Variants in SLC4A10 observed in about 807,000 individuals in gnomAD.
SLC4A10 encodes the protein sodium-driven chloride bicarbonate exchanger.
SLC4A10 carries 42 observed loss-of-function variants against 137.7 expected under a neutral mutation model. That is an observed-to-expected ratio of 0.30 (90% confidence interval 0.24 to 0.39). SLC4A10 has a LOEUF of 0.39. Among genes scored for constraint, SLC4A10 ranks in the 10% least tolerant of loss-of-function variants. The pLI, the probability that SLC4A10 is intolerant of heterozygous loss-of-function variation, is 1.00. For missense variants in SLC4A10, 925 were observed against 1,355.0 expected, an observed-to-expected ratio of 0.68 and a Z score of 4.98; for synonymous variants, 474 against 464.1, an observed-to-expected ratio of 1.02 and a Z score of -0.27.
chr2:161,933,191 CTTTCTTTCTT>C (rs946426132), intron 15 of SLC4A10, among the ~76,000 whole-genome samples: 1 of 48,130 alleles, frequency 2.1e-5, no homozygotes, highest in African/African-American at 7.8e-5. Flanking sequence ...TCTTTTCTTT[CTTTCTTTCTT>C]TCTTTCTTTC....
At chr2:161,965,519 TG>T (rs891584520) in intron 23 of SLC4A10, among the ~76,000 whole-genome samples, 10 of 152,314 alleles carry the variant, frequency 6.6e-5, no homozygotes, top group South Asian at 4.1e-4. Flanking sequence ...ATGCAGTGAT[TG>T]TTTTTTTGTT....
intron 13 of SLC4A10, among the ~76,000 whole-genome samples, chr2:161,904,537 T>C (rs1397440924): frequency 6.6e-6 from 1 of 152,206 alleles, no homozygotes; most frequent in African/African-American, 2.4e-5. Flanking sequence ...AAACCTTTTG[T>C]AAGGCAACAG....
intron 2 of SLC4A10, among the ~76,000 whole-genome samples, chr2:161,794,038 G>C (rs1314206100): frequency 6.6e-6 from 1 of 152,026 alleles, no homozygotes; most frequent in Non-Finnish European, 1.5e-5. Flanking sequence ...TGAAAACAAA[G>C]GTCATGTTTA....
chr2:161,689,355 C>A (rs2041756977), intron 1 of SLC4A10, among the ~76,000 whole-genome samples: 1 of 152,072 alleles, frequency 6.6e-6, no homozygotes, highest in Admixed American at 6.6e-5. Context: ...TATGGGTGTA[C>A]CATTTTTTAT....
At chr2:161,874,056 C>G (rs547237010) in intron 8 of SLC4A10, 51 bp downstream of exon 8, 24 of 1,496,302 alleles carry the variant, frequency 1.6e-5, no homozygotes, top group Admixed American at 5.8e-5. Context: ...GCTCATTTCA[C>G]TGTATGGAGG....
intron 2 of SLC4A10, among the ~76,000 whole-genome samples, chr2:161,788,435 A>G (rs1169763357): frequency 3.3e-5 from 5 of 152,010 alleles, no homozygotes; most frequent in Non-Finnish European, 7.4e-5. Flanking sequence ...ATGATGAAGG[A>G]AGACAACTGT....
chr2:161,726,474 A>G (rs1199460866), intron 1 of SLC4A10, among the ~76,000 whole-genome samples: 7 of 152,200 alleles, frequency 4.6e-5, no homozygotes, highest in Non-Finnish European at 8.8e-5. Flanking sequence ...AATTGACGAA[A>G]TTTTGTAAGC....
chr2:161,824,942 T>G (rs2057915650), intron 3 of SLC4A10, among the ~76,000 whole-genome samples: 1 of 152,156 alleles, frequency 6.6e-6, no homozygotes, highest in South Asian at 2.1e-4. Flanking sequence ...CTCCTCTTCC[T>G]CCTCCTCAGC....
chr2:161,825,949 T>C (rs140383319), intron 3 of SLC4A10, among the ~76,000 whole-genome samples: 1 of 152,212 alleles, frequency 6.6e-6, no homozygotes, highest in Non-Finnish European at 1.5e-5. Context: ...TAATCTTATA[T>C]CCCATGTGGA....
intron 15 of SLC4A10, among the ~76,000 whole-genome samples, chr2:161,913,003 T>A (rs1017228721): frequency 6.6e-6 from 1 of 152,106 alleles, no homozygotes; most frequent in Admixed American, 6.6e-5. Context: ...CTTGAGTAAA[T>A]CTTTCATGCA....
intron 15 of SLC4A10, among the ~76,000 whole-genome samples, chr2:161,917,284 G>C (rs1687285379): frequency 6.6e-6 from 1 of 152,120 alleles, no homozygotes; most frequent in Admixed American, 6.5e-5. Flanking sequence ...GGACATCTGG[G>C]TTACTTCTGG....
chr2:161,662,463 C>T (rs1367898337), intron 1 of SLC4A10, among the ~76,000 whole-genome samples: 2 of 151,990 alleles, frequency 1.3e-5, no homozygotes, highest in African/African-American at 4.8e-5. Context: ...AAATAGGTAG[C>T]CTGTATTACA....
chr2:161,744,084 T>A (rs1165312429), intron 1 of SLC4A10, among the ~76,000 whole-genome samples: 1 of 152,130 alleles, frequency 6.6e-6, no homozygotes, highest in South Asian at 2.1e-4. Context: ...AGAAGGATAA[T>A]TCTATTTATT....
intron 1 of SLC4A10, among the ~76,000 whole-genome samples, chr2:161,692,042 G>C (rs2042054178): frequency 1.3e-5 from 2 of 152,034 alleles, no homozygotes; most frequent in South Asian, 4.1e-4. Flanking sequence ...GATTAGTCAT[G>C]TAGTTTGAGA....
chr2:161,969,247 A>G (rs1047721850), intron 23 of SLC4A10, among the ~76,000 whole-genome samples: 2 of 152,224 alleles, frequency 1.3e-5, no homozygotes, highest in African/African-American at 4.8e-5. Context: ...TTAAAATTCA[A>G]TAATGAGTTA....
intron 3 of SLC4A10, among the ~76,000 whole-genome samples, chr2:161,817,190 T>C (rs2057163966): frequency 6.6e-6 from 1 of 152,240 alleles, no homozygotes; most frequent in African/African-American, 2.4e-5. Context: ...TATGAGATGG[T>C]ATCTCATTGT....
At chr2:161,896,610 C>T (rs1035773380) in intron 11 of SLC4A10, among the ~76,000 whole-genome samples, 3 of 152,122 alleles carry the variant, frequency 2.0e-5, no homozygotes, top group Non-Finnish European at 4.4e-5. Context: ...AGGAGAACTA[C>T]AAACCACTGC....
intron 15 of SLC4A10, among the ~76,000 whole-genome samples, chr2:161,929,441 C>G (rs1448176251): frequency 6.6e-6 from 1 of 152,226 alleles, no homozygotes; most frequent in Non-Finnish European, 1.5e-5. Context: ...TCTCTGCTAA[C>G]AGCTTAAACA....
intron 1 of SLC4A10, among the ~76,000 whole-genome samples, chr2:161,722,783 C>T (rs1202314319): frequency 1.3e-5 from 2 of 152,190 alleles, no homozygotes; most frequent in Non-Finnish European, 2.9e-5. Flanking sequence ...AAGACTAAGT[C>T]CACTGAACCC....
Sources: allele counts gnomAD v4.1 joint callset (sites outside exome capture counted in the v4.1 genomes callset), GRCh38; gene constraint gnomAD v4.1.1; transcripts MANE v1.5; gene names NCBI Gene and HGNC (gene_info 2026-07-23, HGNC 2026-07-21).